Variants in KIF21A observed in about 807,000 individuals in gnomAD.
KIF21A encodes the protein kinesin family member 21A, also known as kinesin-like protein KIF21A.
A neutral mutation model predicts 202.9 loss-of-function variants in KIF21A; 114 were observed. That is an observed-to-expected ratio of 0.56 (90% CI 0.48 to 0.66). The LOEUF (loss-of-function observed/expected upper bound fraction) is 0.66, where lower values mean the gene tolerates loss of function less well. Ranked by LOEUF, KIF21A falls within the 30% of genes least tolerant of loss-of-function variation. KIF21A has a pLI of 0.00. For missense variants in KIF21A, 1,677 were observed against 1,994.9 expected (o/e 0.84, Z 3.04); for synonymous variants, 667 against 670.8 (o/e 0.99, Z 0.09).
At chr12:39,403,495 A>G (rs1425090405) in intron 1 of KIF21A, among the ~76,000 whole-genome samples, 2 of 152,228 alleles carry the variant, frequency 1.3e-5, no homozygotes, top group Non-Finnish European at 2.9e-5. Flanking sequence ...TTTGATATGG[A>G]AAGAGCATGA....
chr12:39,377,015 C>A (rs1371296508), intron 1 of KIF21A, among the ~76,000 whole-genome samples: 5 of 152,122 alleles, frequency 3.3e-5, no homozygotes. Flanking sequence ...TTTTCCATTA[C>A]CTAAATGTCT....
chr12:39,340,270 A>G lies in KIF21A; in HGVS notation c.2205T>C (p.Leu735=). The change falls in exon 16 of 38, where the codon CTT becomes CTC. Residue 735 remains leucine (L), a synonymous_variant. Transcript: ENST00000361418. The part of the protein sequence containing the change: ...LQAMNKELQR[L]QAAQKEHARL... ...TTGCATGTTCTTTTTGAGCTGCTTG[A>G]AGTCTCTGCAGTTCTTTGTTCATGG... 6.2e-7 allele frequency: 1 copy of G among 1,613,082 alleles called. No homozygotes were observed. The highest frequency in any genetic ancestry group is 8.5e-7 in the Non-Finnish European group (1 of 1,179,496).
intron 1 of KIF21A, among the ~76,000 whole-genome samples, chr12:39,372,187 C>A (rs1399636271): frequency 2.6e-5 from 4 of 152,200 alleles, no homozygotes; most frequent in Admixed American, 6.5e-5. Context: ...ACAGGAATGA[C>A]AATAGAGAAA....
chr12:39,434,144 C>A (rs574913900), intron 1 of KIF21A, among the ~76,000 whole-genome samples: 58 of 152,306 alleles, frequency 3.8e-4, no homozygotes, highest in African/African-American at 1.4e-3. Flanking sequence ...ACTCCAAGGT[C>A]AAGAGGCCTG....
chr12:39,405,153 A>C (rs1566192573), intron 1 of KIF21A, among the ~76,000 whole-genome samples: 2 of 152,194 alleles, frequency 1.3e-5, no homozygotes, highest in East Asian at 3.9e-4. Flanking sequence ...GGAGTTCAAG[A>C]GCAGCCTGGC....
chr12:39,301,684 A>G lies in KIF21A; in HGVS notation c.4732-5T>C. Reference sequence around the variant, plus strand: ...CTTATGTGCATTTGGAACTTGCTAAAAGAAAAAAAGTGAAATCAGCAGCTT... The same window carrying G: ...CTTATGTGCATTTGGAACTTGCTAAGAGAAAAAAAGTGAAATCAGCAGCTT... On this transcript the variant is annotated splice_polypyrimidine_tract_variant and splice_region_variant and intron_variant, in intron 36 of 37. Transcript: ENST00000361418. The G allele has an allele frequency of 3.7e-6, 6 of 1,613,662 alleles. No homozygotes were observed. Among genetic ancestry groups the G allele is most frequent in the Non-Finnish European group, 5.1e-6 (6 of 1,179,554 alleles).
rs1346148031 is a variant in KIF21A, at chr12:39,315,901, C to T, written c.3947+31G>A. 4 of 1,567,194 alleles carry T rather than the reference C, an allele frequency of 2.6e-6. No homozygotes were observed. The South Asian group carries it at 3.3e-5, about 13-fold the overall frequency. On this transcript the variant is annotated intron_variant, in intron 30 of 37. Transcript: ENST00000361418. ...GCACTTTAGAACATCAATGAAATTC[C>T]AGAATGTAGGAAAGGCAGGAAAGAA...
rs773864417 is a variant in KIF21A, at chr12:39,372,629, TAACA to T, written c.45-2372_45-2369del. Among the ~76,000 whole-genome samples, 6 of 152,356 alleles carry T rather than the reference TAACA, an allele frequency of 3.9e-5. No homozygotes were observed. In the East Asian group the frequency reaches 9.6e-4, roughly 24 times the overall value. ...CTGTAATACATATTAAATGATATTA[TAACA>T]AACAAAGAATTTCTTGTAATTTCTT... On this transcript the variant is annotated intron_variant, in intron 1 of 37. Transcript: ENST00000361418.
In KIF21A at chr12:39,375,664, T is replaced by C. The variant is rs542120683; in HGVS notation, c.45-5403A>G. On this transcript the variant is annotated intron_variant, in intron 1 of 37. Coordinates refer to ENST00000361418, the MANE Select transcript of KIF21A (RefSeq NM_001173464.2). ...ATCAACATGAAGCTCACATTACTTATTGTACCACAAGTAATAAAAGTCCTT... is the reference window on the plus strand; with the variant it reads ...ATCAACATGAAGCTCACATTACTTACTGTACCACAAGTAATAAAAGTCCTT... 4.6e-5 allele frequency among the ~76,000 whole-genome samples: 7 copies of C among 152,206 alleles called. No homozygotes were observed. The East Asian group carries it at 7.7e-4, about 17-fold the overall frequency.
At position 39,392,466 on chromosome 12, in the gene KIF21A, T is replaced by C. The variant is rs77011578; in HGVS notation, c.45-22205A>G. On this transcript the variant is annotated intron_variant, in intron 1 of 37. Transcript: ENST00000361418. ...GGGAGATTACTCTGTTTGCTCAGCA[T>C]TTCCTTGAAGGAGCTTTCACAAGAA... is the stretch of plus-strand genomic sequence containing the variant. Among the ~76,000 whole-genome samples, 965 of 152,272 alleles carry C rather than the reference T, an allele frequency of 6.3e-3. 9 individuals carry two copies. The highest frequency in any genetic ancestry group is 0.022 in the African/African-American group (928 of 41,540).
intron 1 of KIF21A, among the ~76,000 whole-genome samples, chr12:39,404,615 C>T (rs761166014): frequency 6.6e-6 from 1 of 152,128 alleles, no homozygotes; most frequent in Non-Finnish European, 1.5e-5. Context: ...TGAGATAATG[C>T]TATTTAGCAT....
At position 39,301,652 on chromosome 12, in the gene KIF21A, C is replaced by T. The variant is rs758649013; in HGVS notation, c.4759G>A (p.Val1587Ile). 4 of 1,613,934 alleles carry T rather than the reference C, an allele frequency of 2.5e-6. No individual in the cohort carries two copies. In the African/African-American group the frequency reaches 4.0e-5, roughly 16 times the overall value. The change falls in exon 37 of 38, where the codon GTC (valine) becomes ATC (isoleucine). Residue 1587 changes from valine to isoleucine, a missense_variant. Physicochemically the swap from Val to Ile is conservative, Grantham distance 29. Coordinates refer to ENST00000361418, the MANE Select transcript of KIF21A (RefSeq NM_001173464.2). ...TCTGGCACCACTCCCAGGGCACAGA[C>T]CCAATCCTTATGTGCATTTGGAACT... ...QQVPNAHKDWVCALGVVPDHP... is the reference protein window; with the variant it reads ...QQVPNAHKDWICALGVVPDHP...
At chr12:39,435,596 C>G (rs967892170) in intron 1 of KIF21A, among the ~76,000 whole-genome samples, 6 of 152,120 alleles carry the variant, frequency 3.9e-5, no homozygotes, top group Admixed American at 3.3e-4. Context: ...GGAGGTCTTT[C>G]TAAACCACTC....
In KIF21A at chr12:39,369,738, T is replaced by C; in HGVS notation, c.441A>G (p.Gln147=). ...LPAPDFKVNA[Q]FLELYNEEVL... is the part of the protein sequence containing the mutation. ...AAAATTGGATTATTACCTCTAAGAA[T>C]TGGGCATTCACTTTAAAATCTGGAG... Residue 147 remains glutamine, a synonymous_variant, in exon 3 of 38, where the codon CAA becomes CAG. Transcript: ENST00000361418. 8 of 1,612,118 alleles carry C rather than the reference T, an allele frequency of 5.0e-6. No homozygotes were observed. Among genetic ancestry groups the C allele is most frequent in the Non-Finnish European group, 6.8e-6 (8 of 1,179,186 alleles).
chr12:39,369,325 T>C (rs943368702), intron 3 of KIF21A, among the ~76,000 whole-genome samples: 1 of 152,114 alleles, frequency 6.6e-6, no homozygotes, highest in Admixed American at 6.6e-5. Flanking sequence ...CCAGGTGTGG[T>C]GGTGCATGCC....
chr12:39,365,715 A>G (rs1445262364), intron 6 of KIF21A, among the ~76,000 whole-genome samples: 1 of 152,258 alleles, frequency 6.6e-6, no homozygotes, highest in Non-Finnish European at 1.5e-5. Context: ...AAATAACTTA[A>G]TATTAAATTT....
At chr12:39,313,576 A>G (rs1944236705) in intron 31 of KIF21A, among the ~76,000 whole-genome samples, 1 of 151,916 alleles carries the variant, frequency 6.6e-6, no homozygotes, top group Admixed American at 6.6e-5. Context: ...TAACGAGTCA[A>G]GGTCACTGCT....
rs1333139456 is a variant in KIF21A, at chr12:39,443,083, G to A, written c.-113C>T. The A allele has an allele frequency of 1.0e-5, 11 of 1,090,778 alleles. No homozygotes were observed. The highest frequency in any genetic ancestry group is 5.0e-5 in the African/African-American group (3 of 59,662). 67.6% of individuals were successfully genotyped at this position (1,090,778 alleles called of 1,614,324 possible). ...CTGGGGCGTCTGCGGGCGGGCGGCCGGCTCACCTCCGCCGCGCTCCAGCCA... is the reference window on the plus strand; with the variant it reads ...CTGGGGCGTCTGCGGGCGGGCGGCCAGCTCACCTCCGCCGCGCTCCAGCCA... On this transcript the variant is annotated 5_prime_UTR_variant, in exon 1 of 38. Coordinates refer to ENST00000361418, the MANE Select transcript of KIF21A (RefSeq NM_001173464.2).
chr12:39,423,252 G>T (rs977694723), intron 1 of KIF21A, among the ~76,000 whole-genome samples: 2 of 152,046 alleles, frequency 1.3e-5, no homozygotes, highest in Non-Finnish European at 2.9e-5. Flanking sequence ...GTCAGTGCCC[G>T]GAGATGAGTT....
Sources: allele counts gnomAD v4.1 joint callset (sites outside exome capture counted in the v4.1 genomes callset), GRCh38; gene constraint gnomAD v4.1.1; transcripts MANE v1.5; gene names NCBI Gene and HGNC (gene_info 2026-07-23, HGNC 2026-07-21).